The following KAZN variants were observed in gnomAD, a reference collection of about 807,000 sequenced individuals.
KAZN encodes kazrin.
In KAZN, 40 loss-of-function variants were observed where a neutral mutation model predicts 87.4. That is an observed-to-expected ratio of 0.46 (90% CI 0.36 to 0.60). The LOEUF is 0.60. KAZN is among the 20% of genes least tolerant of loss of function. KAZN has a pLI of 0.00. For synonymous variants in KAZN, 466 were observed against 458.3 expected (o/e 1.02, Z -0.22); for missense variants, 898 against 1,073.9 (o/e 0.84, Z 2.29).
chr1:14,663,964 C>T (rs1639351555), intron 1 of KAZN, among the ~76,000 whole-genome samples: 1 of 152,194 alleles, frequency 6.6e-6, no homozygotes, highest in Non-Finnish European at 1.5e-5. Context: ...TGTGTTCTGT[C>T]CACACAGTGG....
At chr1:14,708,938 C>T (rs1642351312) in intron 1 of KAZN, among the ~76,000 whole-genome samples, 1 of 152,148 alleles carries the variant, frequency 6.6e-6, no homozygotes, top group Non-Finnish European at 1.5e-5. Flanking sequence ...TCTCAATGAC[C>T]AGGACTGTGT....
intron 1 of KAZN, among the ~76,000 whole-genome samples, chr1:14,074,246 A>G (rs1643357244): frequency 6.6e-6 from 1 of 152,166 alleles, no homozygotes; most frequent in African/African-American, 2.4e-5. Flanking sequence ...GTCTGTGCTC[A>G]TGGCTACTGG....
Position 15,044,003 on chromosome 1 carries a change from G to C in KAZN, c.570G>C (p.Ala190=), listed in dbSNP as rs201776047. 1.2e-6 allele frequency: 2 copies of C among 1,610,808 alleles called. No individual in the cohort carries two copies. ...CCCACCCACAGGAGAGCGAGGATGC[G>C]GTCAAAGCGCTGGCCAAGGAGAAGG... ...YEQHRKESED[A]VKALAKEKDL... is the part of the protein sequence containing the mutation. The change falls in exon 4 of 15, where the codon GCG becomes GCC. Residue 190 remains alanine (A), a synonymous_variant. Coordinates refer to ENST00000376030, the MANE Select transcript of KAZN (RefSeq NM_201628.3).
chr1:14,466,466 G>T (rs1668135612), intron 2 of KAZN, among the ~76,000 whole-genome samples: 1 of 152,082 alleles, frequency 6.6e-6, no homozygotes, highest in Non-Finnish European at 1.5e-5. Flanking sequence ...GACACAGGGA[G>T]GGGAACAACA....
chr1:14,418,763 A>C (rs1665058645), intron 2 of KAZN, among the ~76,000 whole-genome samples: 1 of 152,202 alleles, frequency 6.6e-6, no homozygotes, highest in African/African-American at 2.4e-5. Flanking sequence ...CTAGCTCTGA[A>C]GCCAGACCCT....
At chr1:14,697,759 G>A (rs554615844) in intron 1 of KAZN, among the ~76,000 whole-genome samples, 6 of 152,332 alleles carry the variant, frequency 3.9e-5, no homozygotes, top group South Asian at 2.1e-4. Context: ...TGAACTTCAC[G>A]TTTTCCTATG....
Position 14,860,099 on chromosome 1 carries a change from A to G in KAZN, c.227-100585A>G, listed in dbSNP as rs112423085. Among the ~76,000 whole-genome samples the G allele has an allele frequency of 4.1e-3, 619 of 149,766 alleles. 3 individuals carry two copies. The highest frequency in any genetic ancestry group is 6.4e-3 in the Non-Finnish European group (429 of 67,134). On this transcript the variant is annotated intron_variant, in intron 1 of 14. Coordinates refer to ENST00000376030, the MANE Select transcript of KAZN (RefSeq NM_201628.3). ...AGGTACCATTGCAACAGTAGCAGGA[A>G]TAGGCCTTTTTCCTTCCTTCCTTCT...
chr1:14,599,140 C>G lies in KAZN; in HGVS notation c.143C>G (p.Pro48Arg), dbSNP rs759088598. Reference sequence around the variant, plus strand: ...CTGAGCGGCGGCGGCGGCCCCGGCCCGGGCCCGGGAGCCGCGGCCAGCGCC... The same window carrying G: ...CTGAGCGGCGGCGGCGGCCCCGGCCGGGGCCCGGGAGCCGCGGCCAGCGCC... ...AELSGGGGPGPGPGAAASASA... is the reference protein window; with the variant it reads ...AELSGGGGPGRGPGAAASASA... Residue 48 changes from proline (P) to arginine (R), a missense_variant, in exon 1 of 15, where the codon CCG becomes CGG. Transcript: ENST00000376030. This position sits in a 1 kb window ranked among gnomAD's most constrained non-coding sequence, Gnocchi z 4.4. The G allele has an allele frequency of 6.8e-7, 1 of 1,461,206 alleles. No individual in the cohort carries two copies. The highest frequency in any genetic ancestry group is 9.0e-7 in the Non-Finnish European group (1 of 1,111,764). 90.5% of individuals were successfully genotyped at this position (1,461,206 alleles called of 1,614,324 possible).
intron 1 of KAZN, among the ~76,000 whole-genome samples, chr1:14,136,618 G>A (rs917700340): frequency 1.0e-5 from 1 of 98,760 alleles, no homozygotes; most frequent in Non-Finnish European, 1.9e-5. Context: ...GGGCCCAGGT[G>A]CACAGTACCC....
chr1:14,865,713 A>T (rs1651372595), intron 1 of KAZN, among the ~76,000 whole-genome samples: 1 of 152,198 alleles, frequency 6.6e-6, no homozygotes, highest in Admixed American at 6.5e-5. Flanking sequence ...ACCTGGAATG[A>T]TAGAACATGA....
chr1:14,944,983 T>C (rs1661565939), intron 1 of KAZN, among the ~76,000 whole-genome samples: 1 of 152,108 alleles, frequency 6.6e-6, no homozygotes, highest in Non-Finnish European at 1.5e-5. Context: ...TGCCACACAT[T>C]CAGAACAGCA....
intron 1 of KAZN, among the ~76,000 whole-genome samples, chr1:14,958,442 GTACATGGAGCACTTCTTATA>G (rs1158089564): frequency 6.6e-6 from 1 of 151,894 alleles, no homozygotes; most frequent in Non-Finnish European, 1.5e-5. Flanking sequence ...CACTTCCTGG[GTACATGGAGCACTTCTTATA>G]TACATGGAGC....
At chr1:14,323,014 G>T (rs551263086) in intron 2 of KAZN, among the ~76,000 whole-genome samples, 19 of 152,300 alleles carry the variant, frequency 1.2e-4, no homozygotes, top group African/African-American at 4.3e-4. Context: ...GAAGTGCTGA[G>T]TGAAGAGGGA....
chr1:14,979,896 T>C (rs1666057585), intron 2 of KAZN, among the ~76,000 whole-genome samples: 1 of 152,204 alleles, frequency 6.6e-6, no homozygotes, highest in African/African-American at 2.4e-5. Context: ...TTTTTAAATT[T>C]ATTTACTTTT....
intron 1 of KAZN, among the ~76,000 whole-genome samples, chr1:14,904,103 T>C (rs549357731): frequency 6.6e-6 from 1 of 152,316 alleles, no homozygotes; most frequent in African/African-American, 2.4e-5. Flanking sequence ...AGTCTTGAGT[T>C]AGCAGACTCA....
chr1:14,589,906 A>C (rs1486399627), intron 2 of KAZN, among the ~76,000 whole-genome samples: 1 of 152,208 alleles, frequency 6.6e-6, no homozygotes, highest in Non-Finnish European at 1.5e-5. Flanking sequence ...GCAGAAGTCC[A>C]TAAGAATCTG....
chr1:14,206,695 G>A (rs1160406983), intron 2 of KAZN, among the ~76,000 whole-genome samples: 2 of 120,500 alleles, frequency 1.7e-5, no homozygotes, highest in South Asian at 3.0e-4. Flanking sequence ...AACTTCATGA[G>A]CATTTTCTTT....
At chr1:14,315,886 A>T (rs919373747) in intron 2 of KAZN, among the ~76,000 whole-genome samples, 10 of 149,240 alleles carry the variant, frequency 6.7e-5, no homozygotes, top group Admixed American at 2.0e-4. Context: ...TTGTATGAAC[A>T]TTTTTTTTTT....
chr1:14,605,666 T>C (rs1031845758), intron 1 of KAZN, among the ~76,000 whole-genome samples: 6 of 152,100 alleles, frequency 3.9e-5, no homozygotes, highest in African/African-American at 1.4e-4. Flanking sequence ...TTCATCCCCA[T>C]CATCTTCATG....
Sources: gnomAD v4.1 joint callset for allele counts (sites outside exome capture counted in the v4.1 genomes callset) on GRCh38, gnomAD v4.1.1 for gene constraint, Gnocchi (gnomAD v3.1) non-coding constraint, MANE v1.5 for transcripts, NCBI Gene and HGNC (gene_info 2026-07-23, HGNC 2026-07-21) for gene names.